Variants in ANO4 observed in about 807,000 individuals in gnomAD.
ANO4 encodes the protein anoctamin 4, also known as anoctamin-4.
Under a neutral mutation model 141.9 loss-of-function variants are expected in ANO4, and 69 were observed. The observed-to-expected ratio is 0.49, with a 90% CI of 0.40 to 0.59. ANO4 has a LOEUF of 0.59. Ranked by LOEUF, ANO4 falls within the 20% of genes least tolerant of loss-of-function variation. ANO4 has a pLI of 0.00. For missense variants in ANO4, 894 were observed against 1,162.2 expected (o/e 0.77, Z 3.36); for synonymous variants, 350 against 394.3 (o/e 0.89, Z 1.33).
chr12:100,743,070 T>A (rs1237926383), intron 3 of ANO4, among the ~76,000 whole-genome samples: 2 of 151,482 alleles, frequency 1.3e-5, no homozygotes, highest in Non-Finnish European at 3.0e-5. Context: ...TTGTGATAAG[T>A]CCTTGGGAGA....
intron 14 of ANO4, among the ~76,000 whole-genome samples, chr12:101,077,082 AT>A (rs1281912597): frequency 6.6e-6 from 1 of 152,156 alleles, no homozygotes; most frequent in Non-Finnish European, 1.5e-5. Flanking sequence ...CAACAATACA[AT>A]TTATGCTTTC....
intron 2 of ANO4, among the ~76,000 whole-genome samples, chr12:100,920,262 A>C (rs1237995158): frequency 6.6e-6 from 1 of 152,130 alleles, no homozygotes; most frequent in Non-Finnish European, 1.5e-5. Flanking sequence ...TTTAAAGACT[A>C]GTGAAGAGCA....
chr12:101,089,393 G>T (rs529527936), intron 17 of ANO4, among the ~76,000 whole-genome samples: 1 of 151,960 alleles, frequency 6.6e-6, no homozygotes, highest in Non-Finnish European at 1.5e-5. Flanking sequence ...TCATTTTGAC[G>T]TGATGTTTGT....
intron 3 of ANO4, among the ~76,000 whole-genome samples, chr12:100,761,619 T>C (rs955227247): frequency 1.3e-5 from 2 of 152,182 alleles, no homozygotes; most frequent in African/African-American, 4.8e-5. Context: ...CTGCTTAGCA[T>C]GTGCAAAAAT....
chr12:101,095,058 T>C (rs865981246), intron 18 of ANO4, among the ~76,000 whole-genome samples: 43 of 152,210 alleles, frequency 2.8e-4, no homozygotes, highest in Middle Eastern at 3.2e-3. Flanking sequence ...TTGTGCTCCA[T>C]GCAGTTTGAG....
intron 2 of ANO4, among the ~76,000 whole-genome samples, chr12:100,739,624 G>A (rs2031775522): frequency 6.6e-6 from 1 of 152,000 alleles, no homozygotes; most frequent in Non-Finnish European, 1.5e-5. Flanking sequence ...ATTGGACTCT[G>A]AGCTCCTTGA....
intron 1 of ANO4, among the ~76,000 whole-genome samples, chr12:100,845,203 G>C (rs1434405049): frequency 6.6e-6 from 1 of 152,118 alleles, no homozygotes; most frequent in Non-Finnish European, 1.5e-5. Context: ...TGAATGGGAC[G>C]TGAGGAAGCA....
intron 3 of ANO4, among the ~76,000 whole-genome samples, chr12:100,777,889 C>A (rs1330651791): frequency 6.7e-6 from 1 of 150,200 alleles, no homozygotes; most frequent in Non-Finnish European, 1.5e-5. Flanking sequence ...GGTCTTGGTA[C>A]TTTCTTGTCT....
rs1159792480 is a variant in ANO4 at position 100,987,686 on chromosome 12, T to G, written c.734+16T>G. 3 of 1,612,986 alleles carry G rather than the reference T, an allele frequency of 1.9e-6. No individual in the cohort carries two copies. Among genetic ancestry groups the G allele is most frequent in the Admixed American group, 1.7e-5 (1 of 59,974 alleles). ...GGATCCATCAGTGAGTGTTCCATGT[T>G]AAAGCCCCATCTCACTAAGGATGTG... is the stretch of plus-strand genomic sequence containing the variant. On this transcript the variant is annotated intron_variant, in intron 8 of 27. Coordinates refer to ENST00000392977, the MANE Select transcript of ANO4 (RefSeq NM_001286615.2).
intron 1 of ANO4, among the ~76,000 whole-genome samples, chr12:100,839,887 T>C (rs530340101): frequency 1.5e-4 from 23 of 152,266 alleles, no homozygotes; most frequent in East Asian, 5.8e-4. Flanking sequence ...GTCTGAGTAA[T>C]GTCTTACACA....
At chr12:100,823,436 T>G (rs1488478109) in intron 1 of ANO4, among the ~76,000 whole-genome samples, 2 of 151,942 alleles carry the variant, frequency 1.3e-5, no homozygotes, top group Non-Finnish European at 2.9e-5. Flanking sequence ...AATGCTAAAT[T>G]TTCTTCTCCT....
intron 13 of ANO4, among the ~76,000 whole-genome samples, chr12:101,046,018 G>A (rs186702462): frequency 7.2e-4 from 110 of 152,316 alleles, no homozygotes; most frequent in Non-Finnish European, 1.1e-3. Context: ...CTCTGGAGGC[G>A]TCAGCCACTT....
intron 2 of ANO4, among the ~76,000 whole-genome samples, chr12:100,916,065 T>A (rs972327207): frequency 1.3e-5 from 2 of 152,108 alleles, no homozygotes; most frequent in African/African-American, 4.8e-5. Flanking sequence ...TTTACATTGT[T>A]ATGTGTCACA....
chr12:101,070,630 A>T (rs2136795497), intron 14 of ANO4, among the ~76,000 whole-genome samples: 1 of 152,290 alleles, frequency 6.6e-6, no homozygotes, highest in South Asian at 2.1e-4. Flanking sequence ...TTAATACCCT[A>T]CAAGAACAGT....
chr12:100,878,798 G>A (rs931777345), intron 1 of ANO4, among the ~76,000 whole-genome samples: 8 of 152,214 alleles, frequency 5.3e-5, no homozygotes, highest in African/African-American at 1.7e-4. Context: ...TTCAAAAAGC[G>A]AAGAGAATTC....
In ANO4 at chr12:100,740,113, T is replaced by C. The variant is rs1351924276; in HGVS notation, c.358+8T>C. 7 of 701,612 alleles carry C rather than the reference T, an allele frequency of 1.0e-5. No individual in the cohort carries two copies. The African/African-American group carries it at 1.2e-4, about 12-fold the overall frequency. The allele number at this position is 701,612 out of a possible 1,614,324, so 43.5% of individuals were successfully genotyped here. A position where few individuals can be genotyped will look rare whatever the true frequency, so the allele number is the denominator to read the frequency against. ...TGAGTCAAGACACAACAGGTAAGTGTTGGCTTCCTGTTGGAGATTCGGGAC... is the reference window on the plus strand; with the variant it reads ...TGAGTCAAGACACAACAGGTAAGTGCTGGCTTCCTGTTGGAGATTCGGGAC... On this transcript the variant is annotated splice_region_variant and intron_variant, in intron 3 of 29. Transcript: ENST00000644049.
intron 1 of ANO4, among the ~76,000 whole-genome samples, chr12:100,815,061 AACAG>A (rs1346539575): frequency 6.6e-6 from 1 of 152,004 alleles, no homozygotes; most frequent in Non-Finnish European, 1.5e-5. Flanking sequence ...ATGGGGGAGA[AACAG>A]AGAGAGAGAG....
At chr12:100,805,591 A>G (rs2034966465) in intron 1 of ANO4, among the ~76,000 whole-genome samples, 1 of 151,974 alleles carries the variant, frequency 6.6e-6, no homozygotes, top group Non-Finnish European at 1.5e-5. Flanking sequence ...GAGCATGAGC[A>G]TTGATTATAC....
chr12:100,747,507 C>G (rs1194531095), intron 3 of ANO4, among the ~76,000 whole-genome samples: 1 of 152,190 alleles, frequency 6.6e-6, no homozygotes, highest in Non-Finnish European at 1.5e-5. Flanking sequence ...GAACTCTTCC[C>G]TTTGCCTTGT....
Sources: gnomAD v4.1 joint callset for allele counts (sites outside exome capture counted in the v4.1 genomes callset) on GRCh38, gnomAD v4.1.1 for gene constraint, MANE v1.5 for transcripts, NCBI Gene and HGNC (gene_info 2026-07-23, HGNC 2026-07-21) for gene names.